The following AGPS variants were observed in gnomAD, a reference collection of about 807,000 sequenced individuals.
AGPS encodes alkylglycerone phosphate synthase.
Under a neutral mutation model 90.7 loss-of-function variants are expected in AGPS, and 26 were observed. The observed-to-expected ratio is 0.29, with a 90% CI of 0.21 to 0.40. The LOEUF (loss-of-function observed/expected upper bound fraction) is 0.40. Among genes scored for constraint, AGPS ranks in the 10% least tolerant of loss-of-function variants. The pLI, the probability that AGPS is intolerant of heterozygous loss-of-function variation, is 1.00. For missense variants in AGPS, 540 were observed against 816.1 expected, an observed-to-expected ratio of 0.66 and a Z score of 4.12; for synonymous variants, 294 against 285.3, an observed-to-expected ratio of 1.03 and a Z score of -0.31.
intron 19 of AGPS, among the ~76,000 whole-genome samples, chr2:177,524,053 C>A (rs1269176270): frequency 6.6e-6 from 1 of 152,154 alleles, no homozygotes; most frequent in African/African-American, 2.4e-5. Flanking sequence ...TCAGGGACCT[C>A]ATGTTATCAG....
At chr2:177,519,766 C>G (rs1483094297) in intron 17 of AGPS, among the ~76,000 whole-genome samples, 2 of 152,076 alleles carry the variant, frequency 1.3e-5, no homozygotes, top group Admixed American at 1.3e-4. Context: ...ATGATCCAGA[C>G]CTCAGGAGAA....
At chr2:177,506,026 C>T (rs1400244470) in intron 15 of AGPS, among the ~76,000 whole-genome samples, 1 of 151,828 alleles carries the variant, frequency 6.6e-6, no homozygotes, top group African/African-American at 2.4e-5. Flanking sequence ...ATTATGTGTA[C>T]TTGAACACTC....
chr2:177,417,870 T>G (rs1685831350), intron 1 of AGPS, among the ~76,000 whole-genome samples: 1 of 152,310 alleles, frequency 6.6e-6, no homozygotes, highest in South Asian at 2.1e-4. Context: ...TATCAGAGTA[T>G]ATACTAGTAA....
chr2:177,426,132 G>T (rs969811032), intron 2 of AGPS, among the ~76,000 whole-genome samples: 8 of 152,212 alleles, frequency 5.3e-5, no homozygotes, highest in African/African-American at 1.9e-4. Context: ...GTATTCATAG[G>T]TGTTTTATTC....
At chr2:177,414,020 A>G (rs1242389851) in intron 1 of AGPS, among the ~76,000 whole-genome samples, 2 of 152,056 alleles carry the variant, frequency 1.3e-5, no homozygotes, top group Non-Finnish European at 2.9e-5. Context: ...TGTCAATGTG[A>G]GGTAAAGCTG....
intron 10 of AGPS, among the ~76,000 whole-genome samples, chr2:177,470,193 C>T (rs189045987): frequency 2.6e-5 from 4 of 152,228 alleles, no homozygotes; most frequent in South Asian, 4.2e-4. Flanking sequence ...TTCAGTATGA[C>T]TGGAATGTAA....
In AGPS at chr2:177,533,963, T is replaced by G. The variant is rs115757844; in HGVS notation, c.1856-4111T>G. Among the ~76,000 whole-genome samples the G allele has an allele frequency of 9.1e-3, 1,384 of 152,366 alleles. 8 individuals are homozygous for G. The highest frequency in any genetic ancestry group is 0.027 in the Middle Eastern group (8 of 294). ...CTTTTTGCTTTGGCTGAAGTCTACT[T>G]CTGAGCTTCACCTTCAATGATCTTC... is the stretch of plus-strand genomic sequence containing the variant. On this transcript the variant is annotated intron_variant, in intron 19 of 19. Transcript: ENST00000264167.
At chr2:177,491,429 CTTTTTTTT>C (rs1051275473) in intron 11 of AGPS, among the ~76,000 whole-genome samples, 1 of 118,250 alleles carries the variant, frequency 8.5e-6, no homozygotes, top group East Asian at 2.5e-4. Context: ...TGACTAATTT[CTTTTTTTT>C]TTTTTTTTTT....
intron 5 of AGPS, among the ~76,000 whole-genome samples, chr2:177,437,856 G>A (rs768986735): frequency 5.3e-5 from 8 of 152,074 alleles, no homozygotes; most frequent in Non-Finnish European, 1.2e-4. Flanking sequence ...ACTTTAATGT[G>A]GGGGCAAGAG....
intron 1 of AGPS, among the ~76,000 whole-genome samples, chr2:177,417,498 A>C (rs1685820355): frequency 6.6e-6 from 1 of 152,190 alleles, no homozygotes; most frequent in South Asian, 2.1e-4. Flanking sequence ...AGTTTCTTGA[A>C]ACAGTATTGA....
chr2:177,500,571 A>G (rs1216810468), intron 14 of AGPS, among the ~76,000 whole-genome samples: 12 of 151,918 alleles, frequency 7.9e-5, no homozygotes, highest in Admixed American at 5.9e-4. Context: ...TTCATATCTA[A>G]TATTAGCCCT....
intron 19 of AGPS, 78 bp downstream of exon 19, chr2:177,523,883 C>A: frequency 8.3e-7 from 1 of 1,211,676 alleles, no homozygotes; most frequent in Non-Finnish European, 1.2e-6. Flanking sequence ...TAGGGAGAGA[C>A]ATGGTATGAA....
At chr2:177,478,787 T>A (rs1437050816) in intron 10 of AGPS, among the ~76,000 whole-genome samples, 3 of 151,890 alleles carry the variant, frequency 2.0e-5, no homozygotes, top group African/African-American at 7.3e-5. Context: ...TTAGAAGGGA[T>A]AGTTCTGGAG....
intron 8 of AGPS, among the ~76,000 whole-genome samples, chr2:177,458,815 A>G (rs2105661703): frequency 6.6e-6 from 1 of 152,338 alleles, no homozygotes; most frequent in Middle Eastern, 3.4e-3. Context: ...ACAGAATTGG[A>G]AAAAACTACT....
chr2:177,515,520 C>T (rs2105728138), intron 17 of AGPS, among the ~76,000 whole-genome samples: 1 of 151,858 alleles, frequency 6.6e-6, no homozygotes, highest in Non-Finnish European at 1.5e-5. Context: ...AGAACCCCAC[C>T]CCCGCTGTAA....
intron 19 of AGPS, among the ~76,000 whole-genome samples, chr2:177,525,917 C>T (rs890558378): frequency 1.3e-5 from 2 of 152,076 alleles, no homozygotes; most frequent in African/African-American, 4.8e-5. Context: ...CAGATGTACC[C>T]CAGACACTGA....
rs147126873 is a variant in AGPS at position 177,529,626 on chromosome 2, GAGTT to G, written c.1855+5827_1855+5830del. On this transcript the variant is annotated intron_variant, in intron 19 of 19. Transcript: ENST00000264167. ...TTCTGGGAAAGCATATTAGCAGAGT[GAGTT>G]AGTTATTCACTGGAGAAGTAGGGTA... is the stretch of plus-strand genomic sequence containing the variant. Among the ~76,000 whole-genome samples, 426 of 152,324 alleles carry G rather than the reference GAGTT, an allele frequency of 2.8e-3. 1 individual carries two copies. Among genetic ancestry groups the G allele is most frequent in the African/African-American group, 9.9e-3 (412 of 41,580 alleles).
At position 177,493,133 on chromosome 2, in the gene AGPS, T is replaced by C; in HGVS notation, c.1234-15T>C. 1.2e-6 allele frequency: 2 copies of C among 1,608,292 alleles called. No individual in the cohort carries two copies. Among genetic ancestry groups the C allele is most frequent in the Non-Finnish European group, 1.7e-6 (2 of 1,176,324 alleles). On this transcript the variant is annotated splice_polypyrimidine_tract_variant and intron_variant, in intron 11 of 19. Coordinates refer to ENST00000264167, the MANE Select transcript of AGPS (RefSeq NM_003659.4). Reference sequence around the variant, plus strand: ...TATTAAATTTGTATCACTTTTTTTTTTCTTTTTAAAACAGAGATGTGCTCC... The same window carrying C: ...TATTAAATTTGTATCACTTTTTTTTCTCTTTTTAAAACAGAGATGTGCTCC...
chr2:177,407,890 C>G (rs1182347530), intron 1 of AGPS, among the ~76,000 whole-genome samples: 2 of 151,078 alleles, frequency 1.3e-5, no homozygotes, highest in Non-Finnish European at 2.9e-5. Flanking sequence ...ACCTTGAACT[C>G]CTGGGCTCAA....
Sources: gnomAD v4.1 joint callset for allele counts (sites outside exome capture counted in the v4.1 genomes callset) on GRCh38, gnomAD v4.1.1 for gene constraint, MANE v1.5 for transcripts, NCBI Gene and HGNC (gene_info 2026-07-23, HGNC 2026-07-21) for gene names.